Variants in AGBL4 observed in about 807,000 individuals in gnomAD.
AGBL4 encodes AGBL carboxypeptidase 4.
Under a neutral mutation model 66.4 loss-of-function variants are expected in AGBL4, and 58 were observed. That is an observed-to-expected ratio of 0.87 (90% CI 0.71 to 1.09). AGBL4 has a LOEUF of 1.09. Ranked by LOEUF, AGBL4 falls within the 50% of genes least tolerant of loss-of-function variation. The pLI, the probability that AGBL4 is intolerant of heterozygous loss-of-function variation, is 0.00. For missense variants in AGBL4, 579 were observed against 631.0 expected, an observed-to-expected ratio of 0.92 and a Z score of 0.88; for synonymous variants, 234 against 222.9, an observed-to-expected ratio of 1.05 and a Z score of -0.44.
chr1:48,902,178 C>T (rs997651029), intron 5 of AGBL4, among the ~76,000 whole-genome samples: 1 of 152,168 alleles, frequency 6.6e-6, no homozygotes. Flanking sequence ...CACAGCCAAA[C>T]CATATCAGAT....
chr1:49,740,626 C>A (rs965620866), intron 2 of AGBL4, among the ~76,000 whole-genome samples: 1 of 152,176 alleles, frequency 6.6e-6, no homozygotes, highest in Non-Finnish European at 1.5e-5. Context: ...CACACCTATT[C>A]CAAAATTGAC....
chr1:48,840,664 T>A (rs1430700962), intron 6 of AGBL4, among the ~76,000 whole-genome samples: 1 of 152,094 alleles, frequency 6.6e-6, no homozygotes, highest in Non-Finnish European at 1.5e-5. Flanking sequence ...ACCAGAAATC[T>A]CAAATATTGC....
At chr1:49,922,243 T>C (rs1287381931) in intron 1 of AGBL4, among the ~76,000 whole-genome samples, 3 of 152,154 alleles carry the variant, frequency 2.0e-5, no homozygotes, top group African/African-American at 2.4e-5. Flanking sequence ...CTGGATTCAG[T>C]TTGCCAATAT....
intron 5 of AGBL4, among the ~76,000 whole-genome samples, chr1:49,033,093 A>G (rs1193528428): frequency 6.6e-6 from 1 of 152,110 alleles, no homozygotes; most frequent in African/African-American, 2.4e-5. Flanking sequence ...TTGAATCAGC[A>G]GGGTGAACTG....
intron 3 of AGBL4, among the ~76,000 whole-genome samples, chr1:49,477,413 T>C (rs931467034): frequency 2.0e-5 from 3 of 152,020 alleles, no homozygotes; most frequent in African/African-American, 7.2e-5. Context: ...AGGGAAGAGA[T>C]CAAGAGTCTC....
At chr1:48,931,791 G>T (rs1398975108) in intron 5 of AGBL4, among the ~76,000 whole-genome samples, 1 of 152,176 alleles carries the variant, frequency 6.6e-6, no homozygotes, top group Non-Finnish European at 1.5e-5. Flanking sequence ...TTACAGGCAT[G>T]AGTCACTGTG....
intron 3 of AGBL4, among the ~76,000 whole-genome samples, chr1:49,613,447 G>C (rs1645190674): frequency 6.6e-6 from 1 of 152,204 alleles, no homozygotes; most frequent in Non-Finnish European, 1.5e-5. Context: ...CACACAGCAG[G>C]AGGTGAGCGG....
At chr1:49,350,756 C>A (rs1023545881) in intron 3 of AGBL4, among the ~76,000 whole-genome samples, 2 of 151,942 alleles carry the variant, frequency 1.3e-5, no homozygotes, top group African/African-American at 4.8e-5. Flanking sequence ...ATTCATCCCC[C>A]TCCTAACCTT....
At chr1:48,538,189 A>G (rs1272601479) in intron 12 of AGBL4, among the ~76,000 whole-genome samples, 1 of 152,198 alleles carries the variant, frequency 6.6e-6, no homozygotes, top group Non-Finnish European at 1.5e-5. Flanking sequence ...TGTATGACTC[A>G]TAGCATTGTG....
intron 3 of AGBL4, among the ~76,000 whole-genome samples, chr1:49,331,355 G>A (rs985050797): frequency 3.9e-5 from 6 of 152,106 alleles, no homozygotes; most frequent in African/African-American, 2.4e-5. Flanking sequence ...ATTCTAGCCA[G>A]CCACCGGACA....
At chr1:49,577,459 C>T (rs1326573944) in intron 3 of AGBL4, among the ~76,000 whole-genome samples, 1 of 152,176 alleles carries the variant, frequency 6.6e-6, no homozygotes, top group Non-Finnish European at 1.5e-5. Flanking sequence ...TGGCACCATT[C>T]CTTAGGCTGA....
chr1:48,717,437 T>A (rs1570339393), intron 6 of AGBL4, among the ~76,000 whole-genome samples: 1 of 152,264 alleles, frequency 6.6e-6, no homozygotes, highest in East Asian at 1.9e-4. Context: ...TTTTCAGATT[T>A]ATTTATGCTG....
intron 3 of AGBL4, among the ~76,000 whole-genome samples, chr1:49,336,347 C>T (rs1293157500): frequency 1.3e-5 from 2 of 151,186 alleles, no homozygotes; most frequent in African/African-American, 4.9e-5. Flanking sequence ...TCTATTTAGG[C>T]ATCAATGAAT....
At chr1:49,011,866 C>T (rs992119354) in intron 5 of AGBL4, among the ~76,000 whole-genome samples, 1 of 97,798 alleles carries the variant, frequency 1.0e-5, no homozygotes, top group Non-Finnish European at 2.0e-5. Context: ...GAACATCACA[C>T]TCTGGGGACT....
In AGBL4 at chr1:49,545,810, C is replaced by T. The variant is rs376083736; in HGVS notation, c.282+151503G>A. On this transcript the variant is annotated intron_variant, in intron 3 of 13. Coordinates refer to ENST00000371839, the MANE Select transcript of AGBL4 (RefSeq NM_032785.4). ...CAAATACTATTTGAAACCTCAAAAA[C>T]AATAAAGGCTTAGAGGAAATCAATT... Among the ~76,000 whole-genome samples the T allele has an allele frequency of 2.0e-3, 303 of 152,224 alleles. 2 individuals are homozygous for T. Among genetic ancestry groups the T allele is most frequent in the South Asian group, 1.0e-2 (48 of 4,814 alleles).
intron 2 of AGBL4, among the ~76,000 whole-genome samples, chr1:49,834,753 G>A (rs1645800487): frequency 6.6e-6 from 1 of 152,100 alleles, no homozygotes; most frequent in African/African-American, 2.4e-5. Flanking sequence ...CTGTGTCTTG[G>A]AGATTCTGGT....
At chr1:49,259,723 C>A (rs1478467971) in intron 3 of AGBL4, among the ~76,000 whole-genome samples, 8 of 123,626 alleles carry the variant, frequency 6.5e-5, no homozygotes, top group Non-Finnish European at 1.0e-4. Context: ...CTTTAACACC[C>A]CACTGTCAAC....
intron 5 of AGBL4, among the ~76,000 whole-genome samples, chr1:48,968,573 G>C (rs1658639765): frequency 6.6e-6 from 1 of 152,034 alleles, no homozygotes; most frequent in Non-Finnish European, 1.5e-5. Flanking sequence ...CTACTTAACT[G>C]TCTCTCTCCC....
intron 4 of AGBL4, among the ~76,000 whole-genome samples, chr1:49,184,320 C>T (rs1646978431): frequency 6.6e-6 from 1 of 152,098 alleles, no homozygotes; most frequent in South Asian, 2.1e-4. Context: ...TTTTATCTCA[C>T]TTGAACCACT....
Sources: allele counts gnomAD v4.1 joint callset (sites outside exome capture counted in the v4.1 genomes callset), GRCh38; gene constraint gnomAD v4.1.1; transcripts MANE v1.5; gene names NCBI Gene and HGNC (gene_info 2026-07-23, HGNC 2026-07-21).